The following CTNND1 variants were observed in gnomAD, a reference collection of about 807,000 sequenced individuals.
CTNND1 encodes the protein catenin delta-1.
A neutral mutation model predicts 112.1 loss-of-function variants in CTNND1; 16 were observed. The ratio of observed to expected loss-of-function variants is 0.14; its 90% CI spans 0.10 to 0.22. CTNND1 has a LOEUF of 0.22. Among genes scored for constraint, CTNND1 ranks in the 10% least tolerant of loss-of-function variants. The pLI is 1.00. For synonymous variants in CTNND1, 420 were observed against 446.5 expected (o/e 0.94, Z 0.75); for missense variants, 1,008 against 1,257.0 (o/e 0.80, Z 3.00).
chr11:57,780,006 G>GT (rs556480446), intron 1 of CTNND1, among the ~76,000 whole-genome samples: 25 of 148,808 alleles, frequency 1.7e-4, no homozygotes, highest in Admixed American at 1.6e-3. Flanking sequence ...TCCCCTCTCC[G>GT]TAAAAAAAAT....
chr11:57,767,959 G>A (rs574302436), intron 1 of CTNND1, among the ~76,000 whole-genome samples: 1 of 150,920 alleles, frequency 6.6e-6, no homozygotes, highest in Non-Finnish European at 1.5e-5. Flanking sequence ...TCAGCCTCCC[G>A]AGTAGCTGGG....
intron 1 of CTNND1, among the ~76,000 whole-genome samples, chr11:57,768,634 C>G (rs1011168991): frequency 4.0e-5 from 6 of 151,880 alleles, no homozygotes; most frequent in African/African-American, 1.5e-4. Context: ...ACCTCGTGAT[C>G]CGCCCACCTC....
rs536394341 is a variant in CTNND1, at chr11:57,772,096, AT to A, written c.-214+9993del. 1.5e-3 allele frequency among the ~76,000 whole-genome samples: 191 copies of A among 129,832 alleles called. 1 individual carries two copies. The highest frequency in any genetic ancestry group is 4.0e-3 in the Middle Eastern group (1 of 248). 85.2% of individuals were successfully genotyped at this position (129,832 alleles called of 152,430 possible). ...ACTACTACACCCAGCTAATTTTTGT[AT>A]TTTTTTTTTTTTTTTGTAGAGACAG... On this transcript the variant is annotated intron_variant, in intron 1 of 20. Coordinates refer to ENST00000399050, the MANE Select transcript of CTNND1 (RefSeq NM_001085458.2).
chr11:57,784,563 G>A (rs2059937719), intron 1 of CTNND1, among the ~76,000 whole-genome samples: 1 of 152,042 alleles, frequency 6.6e-6, no homozygotes, highest in Non-Finnish European at 1.5e-5. Flanking sequence ...GAGTGCAGTG[G>A]CACAATCTCG....
intron 14 of CTNND1, 50 bp downstream of exon 14, chr11:57,808,590 T>C: frequency 6.7e-7 from 1 of 1,496,432 alleles, no homozygotes; most frequent in East Asian, 2.3e-5. Context: ...ACAGTGTTTG[T>C]AGTCCAGCAG....
At chr11:57,808,061 C>A in intron 12 of CTNND1, 104 bp from the exon 13 acceptor site, 3 of 1,255,564 alleles carry the variant, frequency 2.4e-6, no homozygotes, top group Non-Finnish European at 3.3e-6. Context: ...GGTATAGAAG[C>A]ATAAATCCAT....
rs899111887 is a variant in CTNND1 at position 57,796,891 on chromosome 11, C to T, written c.855C>T (p.Asp285=). The T allele has an allele frequency of 1.4e-5, 23 of 1,607,642 alleles. No individual in the cohort carries two copies. Among genetic ancestry groups the T allele is most frequent in the Non-Finnish European group, 1.9e-5 (22 of 1,175,762 alleles). Residue 285 remains aspartate (D), a synonymous_variant, in exon 6 of 21, where the codon GAC becomes GAT. Coordinates refer to ENST00000399050, the MANE Select transcript of CTNND1 (RefSeq NM_001085458.2). ...CAGAGCCTTATGGGCTAGAGGATGA[C>T]CAGCGTAGTATGGGCTATGATGACC... ...FHPEPYGLED[D]QRSMGYDDLD...
Position 57,770,631 on chromosome 11 carries a change from G to A in CTNND1, c.-214+8512G>A, listed in dbSNP as rs377652314. On this transcript the variant is annotated intron_variant, in intron 1 of 20. Transcript: ENST00000399050. Reference sequence around the variant, plus strand: ...TCGCGCCACTGCACTCTAGCCTGGCGAGAGAGTGAGACTCCATCTCAAAAA... The same window carrying A: ...TCGCGCCACTGCACTCTAGCCTGGCAAGAGAGTGAGACTCCATCTCAAAAA... Among the ~76,000 whole-genome samples the A allele has an allele frequency of 1.7e-4, 26 of 151,256 alleles. No individual in the cohort carries two copies. In the East Asian group the frequency reaches 4.5e-3, roughly 26 times the overall value.
chr11:57,795,815 G>T, intron 5 of CTNND1, 86 bp downstream of exon 5: 1 of 1,326,820 alleles, frequency 7.5e-7, no homozygotes. Flanking sequence ...TAATTAAGAT[G>T]GAGGACTGAT....
intron 15 of CTNND1, 135 bp downstream of exon 15, chr11:57,809,601 T>A: frequency 1.4e-6 from 1 of 723,736 alleles, no homozygotes; most frequent in South Asian, 2.1e-5. Context: ...CTATTATCTG[T>A]CTTAATGTTG....
intron 1 of CTNND1, among the ~76,000 whole-genome samples, chr11:57,777,808 T>C (rs995325163): frequency 3.3e-5 from 5 of 152,208 alleles, no homozygotes; most frequent in African/African-American, 9.7e-5. Flanking sequence ...CAAAGGGAAT[T>C]GAGCCCTTTG....
chr11:57,779,307 G>C (rs149192142), intron 1 of CTNND1, among the ~76,000 whole-genome samples: 1 of 152,198 alleles, frequency 6.6e-6, no homozygotes, highest in African/African-American at 2.4e-5. Flanking sequence ...AGAATGGTTG[G>C]TAGTTTCCTG....
chr11:57,762,481 C>T (rs1950069511), intron 1 of CTNND1, among the ~76,000 whole-genome samples: 1 of 152,160 alleles, frequency 6.6e-6, no homozygotes, highest in Non-Finnish European at 1.5e-5. Flanking sequence ...CGTGTCGGAA[C>T]CCAGTTATAC....
At chr11:57,787,790 G>T (rs1045832634) in intron 1 of CTNND1, among the ~76,000 whole-genome samples, 3 of 152,292 alleles carry the variant, frequency 2.0e-5, no homozygotes, top group African/African-American at 4.8e-5. Context: ...TTGTGTAATT[G>T]TGCTGTCTTC....
intron 1 of CTNND1, among the ~76,000 whole-genome samples, chr11:57,771,704 A>G (rs541670261): frequency 3.3e-5 from 5 of 152,312 alleles, no homozygotes; most frequent in African/African-American, 1.2e-4. Flanking sequence ...AACCCCAGAG[A>G]CAACGGCTGT....
At chr11:57,793,034 T>A (rs992593497) in intron 3 of CTNND1, 10 of 152,180 alleles carry the variant, frequency 6.6e-5, no homozygotes, top group Non-Finnish European at 1.5e-4. Flanking sequence ...ACTGCTCAGG[T>A]TTGGAGGTCA....
chr11:57,794,899 A>AC (rs1565331384), intron 4 of CTNND1, among the ~76,000 whole-genome samples: 1 of 151,592 alleles, frequency 6.6e-6, no homozygotes. Context: ...AAAAAAAAAA[A>AC]CAAAGTTCTT....
intron 4 of CTNND1, 144 bp from the exon 5 acceptor site, chr11:57,795,433 G>A: frequency 1.3e-6 from 1 of 779,244 alleles, no homozygotes; most frequent in Non-Finnish European, 2.0e-6. Flanking sequence ...AAAGATGACA[G>A]CCACCCATCT....
Position 57,805,987 on chromosome 11 carries a change from A to G in CTNND1, c.1828A>G (p.Asn610Asp), listed in dbSNP as rs759397042. The G allele has an allele frequency of 1.3e-5, 21 of 1,612,518 alleles. No individual in the cohort carries two copies. Among genetic ancestry groups the G allele is most frequent in the Admixed American group, 5.0e-5 (3 of 59,778 alleles). Reference sequence around the variant, plus strand: ...AGAGGCAGCTCCCAATGTTGCCAACAATACTGGGCCACATGCTGCCAGTTG... The same window carrying G: ...AGAGGCAGCTCCCAATGTTGCCAACGATACTGGGCCACATGCTGCCAGTTG... ...YQEAAPNVANNTGPHAASCFG... is the reference protein window; with the variant it reads ...YQEAAPNVANDTGPHAASCFG... Residue 610 changes from asparagine (N) to aspartate (D), a missense_variant, in exon 10 of 21, where the codon AAT (asparagine) becomes GAT (aspartate). By Grantham distance (23) the Asn-to-Asp change is conservative (BLOSUM62 1). Coordinates refer to ENST00000399050, the MANE Select transcript of CTNND1 (RefSeq NM_001085458.2).
Sources: allele counts gnomAD v4.1 joint callset (sites outside exome capture counted in the v4.1 genomes callset), GRCh38; gene constraint gnomAD v4.1.1; transcripts MANE v1.5; gene names NCBI Gene and HGNC (gene_info 2026-07-23, HGNC 2026-07-21).